The following ANKRD27 variants were observed in gnomAD, a reference collection of about 807,000 sequenced individuals.
The protein encoded by ANKRD27 is ankyrin repeat domain 27.
Under a neutral mutation model 129.7 loss-of-function variants are expected in ANKRD27, and 112 were observed. The ratio of observed to expected loss-of-function variants is 0.86; its 90% CI spans 0.74 to 1.01. ANKRD27 has a LOEUF of 1.01. Ranked by LOEUF, ANKRD27 falls within the 50% of genes least tolerant of loss-of-function variation. The pLI, the probability that ANKRD27 is intolerant of heterozygous loss-of-function variation, is 0.00. For missense variants in ANKRD27, 1,258 were observed against 1,300.5 expected, an observed-to-expected ratio of 0.97 and a Z score of 0.50; for synonymous variants, 516 against 511.2, an observed-to-expected ratio of 1.01 and a Z score of -0.13.
chr19:32,638,932 A>C, intron 12 of ANKRD27: 1 of 272,912 alleles, frequency 3.7e-6, no homozygotes, highest in African/African-American at 2.2e-5. Flanking sequence ...CAAGAGCGTG[A>C]AATGAGCCCA....
At chr19:32,639,541 G>A (rs754133498) in intron 11 of ANKRD27, 53 bp from the exon 12 acceptor site, 10 of 1,573,604 alleles carry the variant, frequency 6.4e-6, no homozygotes, top group Non-Finnish European at 7.8e-6. Context: ...TCACACTTCT[G>A]CAAAAAAAAT....
intron 22 of ANKRD27, chr19:32,608,408 T>C (rs1971782880): frequency 8.3e-6 from 3 of 361,942 alleles, no homozygotes; most frequent in South Asian, 2.1e-5. Flanking sequence ...ATTCACTTGC[T>C]GTTTGCACCT....
At chr19:32,630,395 C>T (rs1966972035) in intron 13 of ANKRD27, among the ~76,000 whole-genome samples, 1 of 152,218 alleles carries the variant, frequency 6.6e-6, no homozygotes, top group Admixed American at 6.5e-5. Context: ...CCCCCATGTG[C>T]CAGGTGACCA....
At chr19:32,610,672 G>A (rs1444280264) in intron 22 of ANKRD27, among the ~76,000 whole-genome samples, 3 of 151,986 alleles carry the variant, frequency 2.0e-5, no homozygotes, top group East Asian at 1.9e-4. Context: ...TGCACCTGTA[G>A]TCCCAGCTAC....
At chr19:32,607,522 G>T in intron 23 of ANKRD27, 113 bp downstream of exon 23, 1 of 1,284,004 alleles carries the variant, frequency 7.8e-7, no homozygotes, top group Non-Finnish European at 1.1e-6. Flanking sequence ...CAGGGCTCGG[G>T]GGAGCAGTGT....
intron 26 of ANKRD27, among the ~76,000 whole-genome samples, chr19:32,601,073 C>T (rs562250433): frequency 1.8e-4 from 28 of 152,102 alleles, no homozygotes; most frequent in Non-Finnish European, 3.1e-4. Context: ...CCAAGGAGGG[C>T]GGATCACTTG....
chr19:32,665,167 C>G (rs1332726399), intron 1 of ANKRD27, among the ~76,000 whole-genome samples: 4 of 152,102 alleles, frequency 2.6e-5, no homozygotes, highest in Non-Finnish European at 5.9e-5. Context: ...AAAAGCTCCC[C>G]TCCAGCTTGT....
chr19:32,628,642 ACACAGCG>A, intron 14 of ANKRD27, 73 bp downstream of exon 14: 6 of 1,569,702 alleles, frequency 3.8e-6, no homozygotes, highest in Non-Finnish European at 5.2e-6. Context: ...ATCTGCAGTC[ACACAGCG>A]CACAGTGGAG....
chr19:32,631,727 G>A (rs980997919), intron 12 of ANKRD27, among the ~76,000 whole-genome samples: 54 of 152,190 alleles, frequency 3.5e-4, no homozygotes, highest in Non-Finnish European at 7.2e-4. Flanking sequence ...GGATGGTGGC[G>A]GCACCCTGAC....
rs567302273 is a variant in ANKRD27 at position 32,625,774 on chromosome 19, C to T, written c.1629+100G>A. 277 of 1,058,250 alleles carry T rather than the reference C, an allele frequency of 2.6e-4. No individual in the cohort carries two copies. The South Asian group carries it at 4.9e-3, about 19-fold the overall frequency. The allele number at this position is 1,058,250 out of a possible 1,614,324, so 65.6% of individuals were successfully genotyped here. ...AAAAAAATTTACACACCCAATGTTCCAATAATTATCGACACAAAATACATT... is the reference window on the plus strand; with the variant it reads ...AAAAAAATTTACACACCCAATGTTCTAATAATTATCGACACAAAATACATT... On this transcript the variant is annotated intron_variant, in intron 17 of 28. Transcript: ENST00000306065.
At chr19:32,615,585 A>G in intron 22 of ANKRD27, 73 bp downstream of exon 22, 1 of 1,610,570 alleles carries the variant, frequency 6.2e-7, no homozygotes, top group Non-Finnish European at 8.5e-7. Flanking sequence ...CCCTGTCTCA[A>G]AAAACAAAAA....
intron 24 of ANKRD27, among the ~76,000 whole-genome samples, 187 bp from the exon 25 acceptor site, chr19:32,604,611 T>C (rs1971703734): frequency 6.6e-6 from 1 of 152,166 alleles, no homozygotes; most frequent in Non-Finnish European, 1.5e-5. Context: ...CGCTGCAGCA[T>C]TTATCCTAAT....
At chr19:32,659,233 C>G (rs1214462021) in intron 1 of ANKRD27, among the ~76,000 whole-genome samples, 188 bp from the exon 2 acceptor site, 1 of 151,226 alleles carries the variant, frequency 6.6e-6, no homozygotes, top group South Asian at 2.1e-4. Flanking sequence ...AGGCGCCCAC[C>G]ACCACACCCG....
At chr19:32,667,540 G>A (rs561813496) in intron 1 of ANKRD27, among the ~76,000 whole-genome samples, 3 of 152,228 alleles carry the variant, frequency 2.0e-5, no homozygotes, top group South Asian at 4.2e-4. Context: ...TTCCAACGAA[G>A]AGAAGATCAT....
intron 2 of ANKRD27, among the ~76,000 whole-genome samples, chr19:32,656,002 A>G (rs1453364358): frequency 6.6e-6 from 1 of 151,026 alleles, no homozygotes; most frequent in Non-Finnish European, 1.5e-5. Context: ...TGGGCAACAC[A>G]GTGAGACTCT....
chr19:32,646,300 C>T (rs1256562998), intron 4 of ANKRD27, among the ~76,000 whole-genome samples, 159 bp downstream of exon 4: 1 of 152,086 alleles, frequency 6.6e-6, no homozygotes, highest in Non-Finnish European at 1.5e-5. Context: ...AACTCCTGGC[C>T]TCAAGTGATC....
chr19:32,606,278 G>T (rs1389240988), intron 23 of ANKRD27, among the ~76,000 whole-genome samples: 1 of 151,482 alleles, frequency 6.6e-6, no homozygotes, highest in Non-Finnish European at 1.5e-5. Flanking sequence ...TCAGCCTCCT[G>T]AGCAGCTGGG....
At chr19:32,670,995 C>CA (rs138938087) in intron 1 of ANKRD27, among the ~76,000 whole-genome samples, 4,707 of 150,584 alleles carry the variant, frequency 0.031, 239 homozygotes, top group African/African-American at 0.1. Flanking sequence ...CAAAAAATGA[C>CA]AAAAAAAAAT....
At chr19:32,634,014 G>C (rs1967046072) in intron 12 of ANKRD27, among the ~76,000 whole-genome samples, 1 of 152,172 alleles carries the variant, frequency 6.6e-6, no homozygotes, top group African/African-American at 2.4e-5. Context: ...CTGGGTGACA[G>C]AGCGAGATCC....
Sources: gnomAD v4.1 joint callset for allele counts (sites outside exome capture counted in the v4.1 genomes callset) on GRCh38, gnomAD v4.1.1 for gene constraint, MANE v1.5 for transcripts, NCBI Gene and HGNC (gene_info 2026-07-23, HGNC 2026-07-21) for gene names.